The following MIA3 variants were observed in gnomAD, a reference collection of about 807,000 sequenced individuals.
MIA3 encodes the protein transport and Golgi organization protein 1 homolog.
A neutral mutation model predicts 192.4 loss-of-function variants in MIA3; 90 were observed. The ratio of observed to expected loss-of-function variants is 0.47; its 90% CI spans 0.39 to 0.56. MIA3 has a LOEUF of 0.56. Ranked by LOEUF, MIA3 falls within the 20% of genes least tolerant of loss-of-function variation. The pLI, the probability that MIA3 is intolerant of heterozygous loss-of-function variation, is 0.00. For missense variants in MIA3, 2,123 were observed against 2,269.4 expected (o/e 0.94, Z 1.31); for synonymous variants, 740 against 792.8 (o/e 0.93, Z 1.12).
Position 222,654,249 on chromosome 1 carries a change from G to A in MIA3, c.4328G>A (p.Arg1443Gln), listed in dbSNP as rs760860675. The change falls in exon 16 of 28, where the codon CGG becomes CAG. Residue 1443 changes from arginine (R) to glutamine (Q), a missense_variant. By Grantham distance (43) the Arg-to-Gln change is conservative. Coordinates refer to ENST00000344922, the MANE Select transcript of MIA3 (RefSeq NM_198551.4). ...AAAGCCTTTTGTTTTTTAGGTGACCGGAATGAGAAGATGAAAAATCAAATT... is the reference window on the plus strand; with the variant it reads ...AAAGCCTTTTGTTTTTTAGGTGACCAGAATGAGAAGATGAAAAATCAAATT... ...ELANGEVGGD[R>Q]NEKMKNQIKQ... 26 of 1,613,548 alleles carry A rather than the reference G, an allele frequency of 1.6e-5. No individual in the cohort carries two copies. Among genetic ancestry groups the A allele is most frequent in the South Asian group, 7.7e-5 (7 of 90,958 alleles).
intron 7 of MIA3, chr1:222,648,057 A>G: frequency 4.7e-6 from 1 of 213,582 alleles, no homozygotes; most frequent in Non-Finnish European, 1.0e-5. Flanking sequence ...GTTGCAAAGA[A>G]ATTTAGTAAT....
chr1:222,642,452 A>T (rs1334086261), intron 6 of MIA3, among the ~76,000 whole-genome samples: 4 of 152,048 alleles, frequency 2.6e-5, no homozygotes, highest in South Asian at 4.1e-4. Flanking sequence ...TATGTCTTTC[A>T]TTCATGGCCA....
rs776484669 is a variant in MIA3 at position 222,629,199 on chromosome 1, A to T, written c.1979A>T (p.Glu660Val). ...GGAAGAAATCTTCCCTGGCAACAAG[A>T]AAGAGATGTGGCTGCCACAGCCAGT... ...ILGRNLPWQQ[E>V]RDVAATASKQ... Residue 660 changes from glutamate to valine, a missense_variant, in exon 4 of 28, where the codon GAA (glutamate) becomes GTA (valine). Transcript: ENST00000344922. The T allele has an allele frequency of 6.2e-7, 1 of 1,614,170 alleles. No individual in the cohort carries two copies. The highest frequency in any genetic ancestry group is 1.1e-5 in the South Asian group (1 of 91,080).
Position 222,633,226 on chromosome 1 carries a change from T to C in MIA3, c.3454T>C (p.Phe1152Leu). ...LENAILLIYS[F>L]MFYLTKSLVA... ...AAACGCAATCCTTCTAATATATTCA[T>C]TCATGTTTTATTTAACTAAGTCGGT... is the stretch of plus-strand genomic sequence containing the variant. Residue 1152 changes from phenylalanine to leucine, a missense_variant, in exon 6 of 28, where the codon TTC (phenylalanine) becomes CTC (leucine). Physicochemically the swap from Phe to Leu is conservative, Grantham distance 22 (BLOSUM62 0). Around this residue, in one of 3 missense-constraint regions of MIA3, gnomAD observed 1,357 missense variants for 1,396.1 expected, o/e 0.97. Coordinates refer to ENST00000344922, the MANE Select transcript of MIA3 (RefSeq NM_198551.4). The C allele has an allele frequency of 6.2e-7, 1 of 1,607,432 alleles. No homozygotes were observed. Among genetic ancestry groups the C allele is most frequent in the Non-Finnish European group, 8.5e-7 (1 of 1,178,052 alleles).
intron 7 of MIA3, 159 bp downstream of exon 7, chr1:222,645,844 A>ATTATTTTTTTTTTTTTTTTTTT: frequency 1.6e-6 from 1 of 630,282 alleles, no homozygotes; most frequent in East Asian, 4.0e-5. Context: ...GTGTTGGTAA[A>ATTATTTTTTTTTTTTTTTTTTT]TTCTTAAGTG....
chr1:222,621,612 G>A (rs950779182), intron 2 of MIA3, among the ~76,000 whole-genome samples: 1 of 152,154 alleles, frequency 6.6e-6, no homozygotes, highest in South Asian at 2.1e-4. Context: ...GTATTCATAG[G>A]AATTAGACTT....
chr1:222,646,533 C>T (rs1204907012), intron 7 of MIA3, among the ~76,000 whole-genome samples: 1 of 152,036 alleles, frequency 6.6e-6, no homozygotes, highest in Admixed American at 6.5e-5. Flanking sequence ...GGGTGGATCA[C>T]ATAAGGCCAG....
At chr1:222,654,218 TGAAA>T (rs779028028) in intron 15 of MIA3, 21 bp from the exon 16 acceptor site, 7 of 1,606,916 alleles carry the variant, frequency 4.4e-6, no homozygotes, top group Non-Finnish European at 5.9e-6. Context: ...GAAAAAGCAA[TGAAA>T]GAAAGCCTTT....
Position 222,626,704 on chromosome 1 carries a change from A to G in MIA3, c.355-871A>G, listed in dbSNP as rs187543719. On this transcript the variant is annotated intron_variant, in intron 3 of 27. Transcript: ENST00000344922. ...GTTTTCAAGTTGTTCTTGTGGCAGTATGAAAATGGGGAGCCTCCTTTACAC... is the reference window on the plus strand; with the variant it reads ...GTTTTCAAGTTGTTCTTGTGGCAGTGTGAAAATGGGGAGCCTCCTTTACAC... Among the ~76,000 whole-genome samples, 363 of 152,292 alleles carry G rather than the reference A, an allele frequency of 2.4e-3. 1 individual carries two copies. The highest frequency in any genetic ancestry group is 8.1e-3 in the African/African-American group (337 of 41,554).
intron 6 of MIA3, among the ~76,000 whole-genome samples, chr1:222,638,142 A>G (rs1244371372): frequency 6.6e-6 from 1 of 152,218 alleles, no homozygotes; most frequent in Non-Finnish European, 1.5e-5. Context: ...CCACCCAAGA[A>G]GAGCAGAATA....
Position 222,621,252 on chromosome 1 carries a change from A to C in MIA3, c.227A>C (p.Tyr76Ser), listed in dbSNP as rs1661842109. The change falls in exon 2 of 28, where the codon TAT becomes TCT. Residue 76 changes from tyrosine (Y) to serine (S), a missense_variant. Physicochemically the swap from Tyr to Ser is moderately radical, Grantham distance 144. Coordinates refer to ENST00000344922, the MANE Select transcript of MIA3 (RefSeq NM_198551.4). ...AAAGGTGATCCTGTATATGTTTACT[A>C]TAAACTGGCAAGAGGATGGCCTGAA... The part of the protein sequence containing the change: ...FKKGDPVYVY[Y>S]KLARGWPEVW... The C allele has an allele frequency of 6.2e-7, 1 of 1,612,978 alleles. No homozygotes were observed. Among genetic ancestry groups the C allele is most frequent in the Non-Finnish European group, 8.5e-7 (1 of 1,179,738 alleles).
chr1:222,618,534 G>A (rs1253850438), intron 1 of MIA3, among the ~76,000 whole-genome samples: 2 of 152,190 alleles, frequency 1.3e-5, no homozygotes, highest in African/African-American at 4.8e-5. Context: ...CTGAGGCGGG[G>A]GGTTGCTTGC....
rs750147532 is a variant in MIA3, at chr1:222,659,834, C to A, written c.4874+33C>A. On this transcript the variant is annotated intron_variant, in intron 22 of 27. Coordinates refer to ENST00000344922, the MANE Select transcript of MIA3 (RefSeq NM_198551.4). ...GATTTTGATGGCTATATTTTCAGCGCGTGTTCTCTTAAGGAATTGGTTTCT... is the reference window on the plus strand; with the variant it reads ...GATTTTGATGGCTATATTTTCAGCGAGTGTTCTCTTAAGGAATTGGTTTCT... 10 of 1,609,734 alleles carry A rather than the reference C, an allele frequency of 6.2e-6. No homozygotes were observed. The African/African-American group carries it at 9.4e-5, about 15-fold the overall frequency.
At chr1:222,630,584 C>A (rs555570618) in intron 4 of MIA3, among the ~76,000 whole-genome samples, 195 bp downstream of exon 4, 102 of 152,168 alleles carry the variant, frequency 6.7e-4, no homozygotes, top group African/African-American at 2.2e-3. Context: ...TTGCCGTTTC[C>A]CTTAGAATAG....
intron 18 of MIA3, among the ~76,000 whole-genome samples, chr1:222,655,219 G>A (rs1663654898): frequency 6.6e-6 from 1 of 152,210 alleles, no homozygotes. Context: ...CTTATTGAAG[G>A]TACATTTAGT....
At position 222,626,454 on chromosome 1, in the gene MIA3, T is replaced by C. The variant is rs576976315; in HGVS notation, c.355-1121T>C. ...AAAGAGGGAAGTCATTCATCTCCAG[T>C]ACACAGGACAGTTCTCACCAGAAGA... On this transcript the variant is annotated intron_variant, in intron 3 of 27. Transcript: ENST00000344922. Among the ~76,000 whole-genome samples the C allele has an allele frequency of 2.8e-4, 43 of 152,338 alleles. 1 individual carries two copies. The South Asian group carries it at 8.9e-3, about 32-fold the overall frequency.
At chr1:222,652,451 T>C in intron 13 of MIA3, 119 bp downstream of exon 13, 1 of 688,626 alleles carries the variant, frequency 1.5e-6, no homozygotes, top group Non-Finnish European at 2.5e-6. Context: ...TGTTCTTAGA[T>C]ATGCAAAGTT....
Position 222,665,594 on chromosome 1 carries a change from C to A in MIA3, c.5699C>A (p.Ser1900Ter), listed in dbSNP as rs370375761. The part of the protein sequence containing the change: ...PASQSTSQDC[S>*]QALKQSP ...TCTCAGAGCACTAGCCAGGACTGTTCACAGGCTTTAAAACAGAGCCCATAA... is the reference window on the plus strand; with the variant it reads ...TCTCAGAGCACTAGCCAGGACTGTTAACAGGCTTTAAAACAGAGCCCATAA... Residue 1900 changes from serine to a stop codon, truncating the protein, a stop_gained, in exon 28 of 28, where the codon TCA (serine) becomes TAA (stop). Coordinates refer to ENST00000344922, the MANE Select transcript of MIA3 (RefSeq NM_198551.4). LOFTEE classifies it high-confidence loss of function. 37 of 1,603,520 alleles carry A rather than the reference C, an allele frequency of 2.3e-5. No individual in the cohort carries two copies. The African/African-American group carries it at 4.3e-4, about 19-fold the overall frequency.
rs761891445 is a variant in MIA3 at position 222,627,986 on chromosome 1, A to G, written c.766A>G (p.Asn256Asp). ...NKTSNSSQVS[N>D]EQDKIDAYKL... ...AACCAGCAATAGTTCTCAGGTCTCA[A>G]ATGAACAGGATAAGATTGATGCCTA... Residue 256 changes from asparagine to aspartate, a missense_variant, in exon 4 of 28, where the codon AAT becomes GAT. Asn to Asp is a conservative substitution (Grantham distance 23). This residue lies in a region of MIA3 where 1,357 missense variants were observed against 1,396.1 expected (regional missense o/e 0.97). Transcript: ENST00000344922. 2.7e-5 allele frequency: 43 copies of G among 1,614,032 alleles called. No homozygotes were observed. The highest frequency in any genetic ancestry group is 3.5e-5 in the Non-Finnish European group (41 of 1,180,034).
Sources: gnomAD v4.1 joint callset for allele counts (sites outside exome capture counted in the v4.1 genomes callset) on GRCh38, gnomAD v4.1.1 for gene constraint, gnomAD v4.1.1 regional missense constraint, MANE v1.5 for transcripts, NCBI Gene and HGNC (gene_info 2026-07-23, HGNC 2026-07-21) for gene names.